Variants in CCSER1 observed in about 807,000 individuals in gnomAD.
CCSER1 encodes the protein coiled-coil serine rich protein 1.
In CCSER1, 41 loss-of-function variants were observed where a neutral mutation model predicts 82.0. The observed-to-expected ratio is 0.50, with a 90% confidence interval of 0.39 to 0.65. The LOEUF (loss-of-function observed/expected upper bound fraction) is 0.65, where lower values mean the gene tolerates loss of function less well. Among genes scored for constraint, CCSER1 ranks in the 30% least tolerant of loss-of-function variants. CCSER1 has a pLI of 0.00. For synonymous variants in CCSER1, 414 were observed against 383.9 expected (o/e 1.08, Z -0.92); for missense variants, 1,119 against 1,064.2 (o/e 1.05, Z -0.72).
In CCSER1 at chr4:90,720,310, A is replaced by G. The variant is rs530525380; in HGVS notation, c.1933-3604A>G. On this transcript the variant is annotated intron_variant, in intron 6 of 10. Coordinates refer to ENST00000509176, the MANE Select transcript of CCSER1 (RefSeq NM_001145065.2). Reference sequence around the variant, plus strand: ...TTTAGAAAAAAAAAATTAAAAAAAAACACAAGACCTAGGCACTGGGTGTTA... The same window carrying G: ...TTTAGAAAAAAAAAATTAAAAAAAAGCACAAGACCTAGGCACTGGGTGTTA... Among the ~76,000 whole-genome samples, 141 of 149,140 alleles carry G rather than the reference A, an allele frequency of 9.5e-4. 1 individual carries two copies. Among genetic ancestry groups the G allele is most frequent in the Middle Eastern group, 3.4e-3 (1 of 292 alleles).
intron 10 of CCSER1, among the ~76,000 whole-genome samples, chr4:91,096,484 A>T (rs2148839251): frequency 6.6e-6 from 1 of 152,134 alleles, no homozygotes; most frequent in African/African-American, 2.4e-5. Context: ...ACTATGGGGG[A>T]TCTAAAACTA....
chr4:91,361,394 A>T (rs1057191898), intron 10 of CCSER1, among the ~76,000 whole-genome samples: 1 of 151,872 alleles, frequency 6.6e-6, no homozygotes, highest in Non-Finnish European at 1.5e-5. Context: ...GAAGCTTTTA[A>T]ATTTAGTTAA....
chr4:91,267,264 C>G (rs1019722893), intron 10 of CCSER1, among the ~76,000 whole-genome samples: 1 of 152,076 alleles, frequency 6.6e-6, no homozygotes, highest in Non-Finnish European at 1.5e-5. Context: ...TTCAATTCAT[C>G]TCTTAGTTCT....
chr4:90,154,338 C>T (rs1210622008), intron 1 of CCSER1, among the ~76,000 whole-genome samples: 1 of 152,182 alleles, frequency 6.6e-6, no homozygotes, highest in Non-Finnish European at 1.5e-5. Flanking sequence ...GTTCTTTTGG[C>T]TTAGGATTGA....
At chr4:91,549,132 G>A (rs1041267178) in intron 10 of CCSER1, among the ~76,000 whole-genome samples, 3 of 151,558 alleles carry the variant, frequency 2.0e-5, no homozygotes, top group Non-Finnish European at 4.4e-5. Context: ...TCTTTTCTTA[G>A]CCATGTATAG....
At chr4:90,881,420 T>G (rs555968981) in intron 8 of CCSER1, among the ~76,000 whole-genome samples, 50 of 152,172 alleles carry the variant, frequency 3.3e-4, no homozygotes, top group Non-Finnish European at 7.3e-5. Flanking sequence ...CAGATTACTT[T>G]GAGATAACTC....
At position 90,798,884 on chromosome 4, in the gene CCSER1, C is replaced by T. The variant is rs147270850; in HGVS notation, c.2011-16878C>T. On this transcript the variant is annotated intron_variant, in intron 7 of 10. Coordinates refer to ENST00000509176, the MANE Select transcript of CCSER1 (RefSeq NM_001145065.2). ...GGTGGGGGGAGGCAGTGGGTGGTGGCGGAAGGTGCTTTCAGACCACAGGTC... is the reference window on the plus strand; with the variant it reads ...GGTGGGGGGAGGCAGTGGGTGGTGGTGGAAGGTGCTTTCAGACCACAGGTC... Among the ~76,000 whole-genome samples the T allele has an allele frequency of 1.6e-4, 24 of 152,202 alleles. 1 individual carries two copies. Among genetic ancestry groups the T allele is most frequent in the Non-Finnish European group, 3.1e-4 (21 of 68,010 alleles).
At chr4:90,659,196 A>C (rs1332078820) in intron 6 of CCSER1, among the ~76,000 whole-genome samples, 1 of 151,988 alleles carries the variant, frequency 6.6e-6, no homozygotes, top group Non-Finnish European at 1.5e-5. Flanking sequence ...CCAAGGTAAA[A>C]ATTTCTGGGA....
chr4:90,828,879 T>A (rs990112747), intron 8 of CCSER1, among the ~76,000 whole-genome samples: 1 of 152,108 alleles, frequency 6.6e-6, no homozygotes, highest in Non-Finnish European at 1.5e-5. Flanking sequence ...CAAGACAATG[T>A]CACATTATTA....
intron 6 of CCSER1, among the ~76,000 whole-genome samples, chr4:90,629,834 T>A (rs368674624): frequency 1.3e-5 from 2 of 152,344 alleles, no homozygotes; most frequent in Admixed American, 6.5e-5. Flanking sequence ...TATATGAACT[T>A]AAATCAATTA....
chr4:91,253,987 C>T (rs1386484378), intron 10 of CCSER1, among the ~76,000 whole-genome samples: 1 of 152,176 alleles, frequency 6.6e-6, no homozygotes, highest in African/African-American at 2.4e-5. Context: ...TCACCTCCCA[C>T]CAGGCCCCAC....
rs146779431 is a variant in CCSER1, at chr4:90,663,584, G to A, written c.1932+35352G>A. ...TAGCTCACTGCAAGCTTAAACCCTG[G>A]GTTCAAGCAATACTGTGGGCCTCCC... On this transcript the variant is annotated intron_variant, in intron 6 of 10. Coordinates refer to ENST00000509176, the MANE Select transcript of CCSER1 (RefSeq NM_001145065.2). Among the ~76,000 whole-genome samples the A allele has an allele frequency of 5.6e-3, 845 of 152,218 alleles. 10 individuals are homozygous for A. Among genetic ancestry groups the A allele is most frequent in the African/African-American group, 0.019 (805 of 41,528 alleles).
At chr4:90,243,934 C>T (rs1453374562) in intron 1 of CCSER1, among the ~76,000 whole-genome samples, 5 of 151,224 alleles carry the variant, frequency 3.3e-5, no homozygotes, top group Admixed American at 6.6e-5. Context: ...TTTATTTCAA[C>T]GTTATGACTT....
At chr4:90,250,538 A>G (rs867344947) in intron 1 of CCSER1, among the ~76,000 whole-genome samples, 5 of 152,054 alleles carry the variant, frequency 3.3e-5, no homozygotes, top group Admixed American at 2.0e-4. Context: ...TATAAGGGCT[A>G]TCTGTACTCT....
intron 10 of CCSER1, among the ~76,000 whole-genome samples, chr4:91,172,132 C>T (rs1311631777): frequency 6.6e-6 from 1 of 152,000 alleles, no homozygotes; most frequent in Admixed American, 6.6e-5. Context: ...TATAAGAAAA[C>T]CTATGACCCT....
chr4:90,437,014 G>A (rs1368036033), intron 4 of CCSER1, among the ~76,000 whole-genome samples: 1 of 151,828 alleles, frequency 6.6e-6, no homozygotes, highest in African/African-American at 2.4e-5. Flanking sequence ...GTAGAGTTAG[G>A]GTTTCACCGT....
chr4:90,292,337 G>A (rs1227539542), intron 1 of CCSER1, among the ~76,000 whole-genome samples: 1 of 151,870 alleles, frequency 6.6e-6, no homozygotes, highest in Admixed American at 6.6e-5. Context: ...ATATTTGTAT[G>A]TGTACTAAAT....
chr4:90,769,574 C>G (rs1039659685), intron 7 of CCSER1, among the ~76,000 whole-genome samples: 4 of 152,118 alleles, frequency 2.6e-5, no homozygotes, highest in Non-Finnish European at 4.4e-5. Context: ...CCATTCCCCC[C>G]TTTCTGAACA....
chr4:91,370,099 A>G (rs921191038), intron 10 of CCSER1, among the ~76,000 whole-genome samples: 7 of 152,140 alleles, frequency 4.6e-5, no homozygotes, highest in African/African-American at 1.7e-4. Context: ...TGCTCAATCA[A>G]TACCTGCTAA....
Sources: allele counts gnomAD v4.1 joint callset (sites outside exome capture counted in the v4.1 genomes callset), GRCh38; gene constraint gnomAD v4.1.1; transcripts MANE v1.5; gene names NCBI Gene and HGNC (gene_info 2026-07-23, HGNC 2026-07-21).